Variants in CRAMP1 observed in about 807,000 individuals in gnomAD.
CRAMP1 encodes cramped chromatin regulator 1, also known as protein cramped-like.
A neutral mutation model predicts 115.4 loss-of-function variants in CRAMP1; 50 were observed. That is an observed-to-expected ratio of 0.43 (90% CI 0.35 to 0.55). The LOEUF (loss-of-function observed/expected upper bound fraction) is 0.55. CRAMP1 is among the 20% of genes least tolerant of loss of function. The pLI is 0.01. For synonymous variants in CRAMP1, 866 were observed against 745.4 expected (o/e 1.16, Z -2.64); for missense variants, 1,679 against 1,721.7 (o/e 0.98, Z 0.44).
In CRAMP1 at chr16:1,632,307, C is replaced by T. The variant is rs751735156; in HGVS notation, c.636C>T (p.Val212=). 8 of 1,601,186 alleles carry T rather than the reference C, an allele frequency of 5.0e-6. No individual in the cohort carries two copies. In the South Asian group the frequency reaches 9.0e-5, roughly 18 times the overall value. Residue 212 remains valine, a synonymous_variant, in exon 4 of 21, where the codon GTC becomes GTT. Transcript: ENST00000397412. ...GCATGGTGAAGAACAAGGAGCAGGT[C>T]CGCCACTTCTACTACCGCACCTGGC... ...PASMVKNKEQ[V]RHFYYRTWHK... is the part of the protein sequence containing the mutation.
chr16:1,660,614 T>G (rs188339302), intron 11 of CRAMP1, among the ~76,000 whole-genome samples: 1 of 152,324 alleles, frequency 6.6e-6, no homozygotes, highest in Admixed American at 6.5e-5. Context: ...GCATGAACAG[T>G]TTCCCGAGGC....
chr16:1,649,409 C>T (rs553972397), intron 6 of CRAMP1, among the ~76,000 whole-genome samples: 5 of 152,228 alleles, frequency 3.3e-5, no homozygotes, highest in Non-Finnish European at 7.3e-5. Context: ...TTGAGCTTTC[C>T]ATAGCTACTG....
chr16:1,653,159 A>G lies in CRAMP1; in HGVS notation c.1037+3A>G. On this transcript the variant is annotated splice_donor_region_variant and intron_variant, in intron 8 of 20. Coordinates refer to ENST00000397412, the MANE Select transcript of CRAMP1 (RefSeq NM_020825.4). Reference sequence around the variant, plus strand: ...CTTGCCCAGAACCCACGCCTCAGGTAACATGGCCCTTGGCACGCAGAGGGG... The same window carrying G: ...CTTGCCCAGAACCCACGCCTCAGGTGACATGGCCCTTGGCACGCAGAGGGG... 1 of 1,607,722 alleles carries G rather than the reference A, an allele frequency of 6.2e-7. No individual in the cohort carries two copies. The highest frequency in any genetic ancestry group is 8.5e-7 in the Non-Finnish European group (1 of 1,177,086).
At chr16:1,616,515 A>G (rs549707475) in intron 2 of CRAMP1, among the ~76,000 whole-genome samples, 1 of 152,328 alleles carries the variant, frequency 6.6e-6, no homozygotes, top group East Asian at 1.9e-4. Context: ...GTACGTGGCT[A>G]CTTGTATGTA....
At position 1,616,901 on chromosome 16, in the gene CRAMP1, G is replaced by T. The variant is rs112081795; in HGVS notation, c.346+1916G>T. Among the ~76,000 whole-genome samples the T allele has an allele frequency of 7.2e-4, 108 of 150,282 alleles. 1 individual carries two copies. Among genetic ancestry groups the T allele is most frequent in the African/African-American group, 2.6e-3 (108 of 40,772 alleles). On this transcript the variant is annotated intron_variant, in intron 2 of 20. Transcript: ENST00000397412. ...GCGATCTCAGCTCATTGCAAGCTCTGCCTCCCAGGTTCACACCATTCTCTT... is the reference window on the plus strand; with the variant it reads ...GCGATCTCAGCTCATTGCAAGCTCTTCCTCCCAGGTTCACACCATTCTCTT...
intron 5 of CRAMP1, among the ~76,000 whole-genome samples, chr16:1,640,657 G>A (rs2036624154): frequency 6.6e-6 from 1 of 152,232 alleles, no homozygotes; most frequent in African/African-American, 2.4e-5. Context: ...GAGGGTGTCG[G>A]AGTCTTCATT....
At chr16:1,665,234 C>T (rs2142205924) in intron 14 of CRAMP1, 96 bp downstream of exon 14, 1 of 785,488 alleles carries the variant, frequency 1.3e-6, no homozygotes, top group Non-Finnish European at 2.3e-6. Context: ...CATGGCCTAT[C>T]TTCAGGCATT....
intron 2 of CRAMP1, 135 bp from the exon 3 acceptor site, chr16:1,625,838 G>A (rs1204314849): frequency 2.3e-6 from 2 of 854,800 alleles, no homozygotes; most frequent in South Asian, 1.8e-5. Context: ...CCTGGGTGCT[G>A]CCTGCCAGCA....
chr16:1,622,412 C>T (rs1421117682), intron 2 of CRAMP1, among the ~76,000 whole-genome samples: 1 of 152,174 alleles, frequency 6.6e-6, no homozygotes, highest in Non-Finnish European at 1.5e-5. Flanking sequence ...ACTCGAGAGG[C>T]TGGGTGCCGG....
At chr16:1,641,878 T>TG (rs1197181203) in intron 6 of CRAMP1, among the ~76,000 whole-genome samples, 1 of 150,100 alleles carries the variant, frequency 6.7e-6, no homozygotes, top group Non-Finnish European at 1.5e-5. Flanking sequence ...CTCCGCAGCC[T>TG]GGGGGGTCCC....
chr16:1,646,355 C>T (rs894070161), intron 6 of CRAMP1, among the ~76,000 whole-genome samples: 3 of 152,182 alleles, frequency 2.0e-5, no homozygotes, highest in Non-Finnish European at 4.4e-5. Flanking sequence ...GCTTCCCACA[C>T]TCCCCAGCAC....
rs772508584 is a variant in CRAMP1, at chr16:1,656,402, C to T, written c.1645C>T (p.Pro549Ser). ...CTTGCCGTGTGCCTGTGGCCAGCTCCCAGACCTGGAGGACGAGCTCTCGCT... is the reference window on the plus strand; with the variant it reads ...CTTGCCGTGTGCCTGTGGCCAGCTCTCAGACCTGGAGGACGAGCTCTCGCT... ...GALPCACGQL[P>S]DLEDELSLLD... is the part of the protein sequence containing the mutation. Residue 549 changes from proline to serine, a missense_variant, in exon 10 of 21, where the codon CCA (proline) becomes TCA (serine). Pro to Ser is a moderately conservative substitution (Grantham distance 74). Coordinates refer to ENST00000397412, the MANE Select transcript of CRAMP1 (RefSeq NM_020825.4). The surrounding 1 kb of genome is among the most constrained non-coding windows in gnomAD (Gnocchi z 5.6). 5.0e-6 allele frequency: 8 copies of T among 1,593,024 alleles called. No individual in the cohort carries two copies. Among genetic ancestry groups the T allele is most frequent in the Non-Finnish European group, 6.0e-6 (7 of 1,169,928 alleles).
Position 1,674,049 on chromosome 16 carries a change from C to T in CRAMP1, c.*4C>T, listed in dbSNP as rs374806462. 208 of 1,611,394 alleles carry T rather than the reference C, an allele frequency of 1.3e-4. 1 individual carries two copies. The South Asian group carries it at 2.2e-3, about 17-fold the overall frequency. ...TGTCAGTGACCTGTCCCAGTGACCA[C>T]ACGTCCTGGTGGCGGATGAAGCCCT... On this transcript the variant is annotated 3_prime_UTR_variant, in exon 21 of 21. Coordinates refer to ENST00000397412, the MANE Select transcript of CRAMP1 (RefSeq NM_020825.4).
chr16:1,654,035 C>T (rs545061717), intron 8 of CRAMP1, among the ~76,000 whole-genome samples: 6 of 148,688 alleles, frequency 4.0e-5, no homozygotes, highest in African/African-American at 1.2e-4. Flanking sequence ...TCCAGCTACT[C>T]GGGAGGCTGA....
At chr16:1,663,629 T>C (rs1255473129) in intron 13 of CRAMP1, among the ~76,000 whole-genome samples, 1 of 152,204 alleles carries the variant, frequency 6.6e-6, no homozygotes, top group Non-Finnish European at 1.5e-5. Context: ...ATTTGAACTT[T>C]ATGACTCAGT....
intron 10 of CRAMP1, among the ~76,000 whole-genome samples, chr16:1,658,065 C>T (rs1212266598): frequency 6.6e-6 from 1 of 152,360 alleles, no homozygotes; most frequent in East Asian, 1.9e-4. Context: ...CTTCTGCCTG[C>T]ATTCCCCACG....
Position 1,650,556 on chromosome 16 carries a change from C to G in CRAMP1, c.828-1940C>G, listed in dbSNP as rs142583002. ...CTGCTCATCTCATCGAAGCTAACCA[C>G]TTACAGTCATTTCATGTGTGTCTTT... On this transcript the variant is annotated intron_variant, in intron 6 of 20. Coordinates refer to ENST00000397412, the MANE Select transcript of CRAMP1 (RefSeq NM_020825.4). 1.8e-4 allele frequency among the ~76,000 whole-genome samples: 28 copies of G among 152,348 alleles called. No homozygotes were observed. The East Asian group carries it at 5.4e-3, about 29-fold the overall frequency.
intron 2 of CRAMP1, among the ~76,000 whole-genome samples, chr16:1,622,907 G>A (rs2036477711): frequency 6.6e-6 from 1 of 152,014 alleles, no homozygotes; most frequent in East Asian, 1.9e-4. Context: ...GACTACTGGT[G>A]CACGCCACCA....
intron 13 of CRAMP1, among the ~76,000 whole-genome samples, chr16:1,663,707 C>T (rs1272020574): frequency 6.6e-6 from 1 of 152,166 alleles, no homozygotes; most frequent in Non-Finnish European, 1.5e-5. Flanking sequence ...GAAAGGAAAC[C>T]CTGCTCCTAT....
Sources: gnomAD v4.1 joint callset for allele counts (sites outside exome capture counted in the v4.1 genomes callset) on GRCh38, gnomAD v4.1.1 for gene constraint, Gnocchi (gnomAD v3.1) non-coding constraint, MANE v1.5 for transcripts, NCBI Gene and HGNC (gene_info 2026-07-23, HGNC 2026-07-21) for gene names.